Variants in AWAT2 observed in about 807,000 individuals in gnomAD.
AWAT2 encodes the protein 11-cis-RE-synthase.
AWAT2 carries 9 observed loss-of-function variants against 22.3 expected under a neutral mutation model. That is an observed-to-expected ratio of 0.40 (90% CI 0.24 to 0.70). The LOEUF is 0.70. AWAT2 is among the 30% of genes least tolerant of loss of function. The pLI, the probability that AWAT2 is intolerant of heterozygous loss-of-function variation, is 0.36. For synonymous variants in AWAT2, 100 were observed against 93.4 expected, an observed-to-expected ratio of 1.07 and a Z score of -0.40; for missense variants, 217 against 265.9, an observed-to-expected ratio of 0.82 and a Z score of 1.28.
chrX:70,042,943 T>C, intron 5 of AWAT2, 126 bp downstream of exon 5: 1 of 542,202 alleles, frequency 1.8e-6, no homozygotes, highest in Non-Finnish European at 2.8e-6. Flanking sequence ...ATGACCATAG[T>C]TCGTAAGAAT....
chrX:70,044,173 C>T (rs1296760746), intron 2 of AWAT2, among the ~76,000 whole-genome samples, 177 bp from the exon 3 acceptor site: 2 of 112,210 alleles, frequency 1.8e-5, no homozygotes, highest in Middle Eastern at 4.6e-3. Context: ...CTAACCCACT[C>T]CAGTTCTGAT....
intron 2 of AWAT2, 90 bp from the exon 3 acceptor site, chrX:70,044,086 C>G: frequency 9.9e-7 from 1 of 1,014,091 alleles, no homozygotes. Context: ...TTCCTGGCCT[C>G]TTAAGTGGCA....
chrX:70,046,698 A>G (rs764877374), intron 1 of AWAT2, among the ~76,000 whole-genome samples: 17 of 111,421 alleles, frequency 1.5e-4, no homozygotes, highest in African/African-American at 5.5e-4. Flanking sequence ...AGCCGCCGCC[A>G]CCGACCTGTA....
At chrX:70,042,789 C>T in intron 5 of AWAT2, 1 of 395,981 alleles carries the variant, frequency 2.5e-6, no homozygotes, top group Non-Finnish European at 4.3e-6. Flanking sequence ...AGGCTCAGGG[C>T]TGGCCCTCTG....
intron 5 of AWAT2, 161 bp from the exon 6 acceptor site, chrX:70,042,547 A>AC (rs1229108841): frequency 3.7e-6 from 2 of 540,011 alleles, no homozygotes; most frequent in Non-Finnish European, 6.3e-6. Flanking sequence ...TCCATGGCCT[A>AC]CCCCTGGCTG....
At chrX:70,048,833 G>A (rs2147529342) in intron 1 of AWAT2, among the ~76,000 whole-genome samples, 1 of 111,568 alleles carries the variant, frequency 9.0e-6, no homozygotes, top group East Asian at 2.8e-4. Context: ...GCCTCCGTCA[G>A]CCTGAATATC....
At position 70,041,529 on chromosome X, in the gene AWAT2, G is replaced by A; in HGVS notation, c.*129C>T. On this transcript the variant is annotated 3_prime_UTR_variant, in exon 8 of 8. Transcript: ENST00000276101. ...TTGTCCATTGTTTTCCTCAATGCTG[G>A]CACCAAAGTGCCGTCAGGGCACCTC... 3.4e-6 allele frequency: 1 copy of A among 290,068 alleles called. No homozygotes were observed. Among genetic ancestry groups the A allele is most frequent in the Non-Finnish European group, 6.0e-6 (1 of 166,308 alleles). 23.9% of individuals were successfully genotyped at this position (290,068 alleles called of 1,213,427 possible).
Position 70,044,400 on chromosome X carries a change from C to A in AWAT2, c.148G>T (p.Val50Leu), listed in dbSNP as rs747003531. The A allele has an allele frequency of 6.5e-5, 79 of 1,210,589 alleles. No individual in the cohort carries two copies. The East Asian group carries it at 2.1e-3, about 33-fold the overall frequency. Residue 50 changes from valine to leucine, a missense_variant, in exon 2 of 8, where the codon GTG becomes TTG. Val to Leu is a conservative substitution (Grantham distance 32). Transcript: ENST00000276101. ...AAAGCCAGCCAGGTAAGAATAAGCA[C>A]AGTGACAGGCCAGTATGGTGTGAAC... ...VVFTPYWPVT[V>L]LILTWLAFDW...
intron 2 of AWAT2, 107 bp downstream of exon 2, chrX:70,044,245 C>A: frequency 8.8e-7 from 1 of 1,130,199 alleles, no homozygotes; most frequent in Non-Finnish European, 1.2e-6. Context: ...CAGGGAGGGA[C>A]AGGCTAAAGG....
chrX:70,043,217 T>C lies in AWAT2; in HGVS notation c.499A>G (p.Ile167Val). Residue 167 changes from isoleucine to valine, a missense_variant, in exon 5 of 8, where the codon ATT (isoleucine) becomes GTT (valine). Coordinates refer to ENST00000276101, the MANE Select transcript of AWAT2 (RefSeq NM_001002254.1). ...TGACSVSRSS[I>V]DFLLTHKGTG... ...CCTTTATGAGTCAGCAGAAAGTCAATGGAGGATCGACTCACAGAGCAGGCC... is the reference window on the plus strand; with the variant it reads ...CCTTTATGAGTCAGCAGAAAGTCAACGGAGGATCGACTCACAGAGCAGGCC... 8.3e-7 allele frequency: 1 copy of C among 1,205,874 alleles called. No individual in the cohort carries two copies. The highest frequency in any genetic ancestry group is 3.0e-5 in the East Asian group (1 of 33,745).
intron 1 of AWAT2, among the ~76,000 whole-genome samples, chrX:70,045,071 C>G (rs1289885131): frequency 8.9e-6 from 1 of 112,318 alleles, no homozygotes; most frequent in Non-Finnish European, 1.9e-5. Context: ...GAGCCACACT[C>G]AGAATTACTA....
intron 4 of AWAT2, 26 bp from the exon 5 acceptor site, chrX:70,043,269 C>T (rs1306358679): frequency 8.5e-7 from 1 of 1,178,458 alleles, no homozygotes; most frequent in African/African-American, 1.8e-5. Context: ...AGCCAAACAG[C>T]CACTGGTCAC....
chrX:70,047,612 G>A (rs1330940704), intron 1 of AWAT2, among the ~76,000 whole-genome samples: 1 of 111,917 alleles, frequency 8.9e-6, no homozygotes, highest in African/African-American at 3.2e-5. Context: ...TGCAAGATGG[G>A]AACTAAAATA....
chrX:70,049,458 G>A (rs975032219), intron 1 of AWAT2, among the ~76,000 whole-genome samples: 1 of 111,557 alleles, frequency 9.0e-6, no homozygotes, highest in Non-Finnish European at 1.9e-5. Flanking sequence ...TCTAATTGGT[G>A]GTTTGCTTGA....
Position 70,042,283 on chromosome X carries a change from T to G in AWAT2, c.751A>C (p.Ser251Arg). ...GCACAAGGGTAGATGTGTACCATGC[T>G]CTGGAACCACTTCTGGAAGCGGTTG... Reference protein sequence around the residue: ...FVNRFQKWFQSMVHIYPCAFY... With the variant: ...FVNRFQKWFQRMVHIYPCAFY... Residue 251 changes from serine (S) to arginine (R), a missense_variant, in exon 6 of 8, where the codon AGC becomes CGC. Transcript: ENST00000276101. The G allele has an allele frequency of 8.3e-7, 1 of 1,211,433 alleles. No homozygotes were observed. Among genetic ancestry groups the G allele is most frequent in the Non-Finnish European group, 1.1e-6 (1 of 895,134 alleles).
In AWAT2 at chrX:70,040,744, A is replaced by C. The variant is rs1383884526; in HGVS notation, c.*914T>G. On this transcript the variant is annotated 3_prime_UTR_variant, in exon 8 of 8. Transcript: ENST00000276101. Reference sequence around the variant, plus strand: ...TAGACCAAATTGACCAACGTAATGCAGGTAAATCACTGGACCAAATGGCAC... The same window carrying C: ...TAGACCAAATTGACCAACGTAATGCCGGTAAATCACTGGACCAAATGGCAC... 2.7e-5 allele frequency: 3 copies of C among 112,282 alleles called. No individual in the cohort carries two copies. Among genetic ancestry groups the C allele is most frequent in the Non-Finnish European group, 5.6e-5 (3 of 53,308 alleles). 9.3% of individuals were successfully genotyped at this position (112,282 alleles called of 1,213,427 possible).
chrX:70,041,772 C>T lies in AWAT2; in HGVS notation c.*35+1G>A, dbSNP rs766716184. 8.3e-7 allele frequency: 1 copy of T among 1,201,415 alleles called. No homozygotes were observed. Among genetic ancestry groups the T allele is most frequent in the Non-Finnish European group, 1.1e-6 (1 of 889,060 alleles). On this transcript the variant is annotated splice_donor_variant, in intron 7 of 7. Transcript: ENST00000276101. LOFTEE classifies it low-confidence loss of function (3UTR_SPLICE). ...CCTGTTCTCACTGGGTCCATCCATA[C>T]CTTCCAGCCAGGGTGAAGGCTACTG... is the stretch of plus-strand genomic sequence containing the variant.
chrX:70,044,631 C>T (rs2020351338), intron 1 of AWAT2, among the ~76,000 whole-genome samples, 169 bp from the exon 2 acceptor site: 1 of 112,524 alleles, frequency 8.9e-6, no homozygotes. Context: ...ATGTTCCCAG[C>T]CCCCTCTTCT....
intron 1 of AWAT2, among the ~76,000 whole-genome samples, chrX:70,048,483 C>A (rs1027166586): frequency 3.3e-4 from 37 of 112,030 alleles, no homozygotes; most frequent in African/African-American, 1.1e-3. Context: ...GCCATCCTAG[C>A]TTTTCCATGT....
Sources: gnomAD v4.1 joint callset for allele counts (sites outside exome capture counted in the v4.1 genomes callset) on GRCh38, gnomAD v4.1.1 for gene constraint, MANE v1.5 for transcripts, NCBI Gene and HGNC (gene_info 2026-07-23, HGNC 2026-07-21) for gene names.